TRPV4: variants seen among roughly 807,000 people sequenced by gnomAD.
TRPV4 encodes transient receptor potential cation channel subfamily V member 4, also known as OSM9-like transient receptor potential channel 4.
A neutral mutation model predicts 84.1 loss-of-function variants in TRPV4; 58 were observed. The observed-to-expected ratio is 0.69, with a 90% CI of 0.56 to 0.86. The LOEUF (loss-of-function observed/expected upper bound fraction) is 0.86, where lower values mean the gene tolerates loss of function less well. Ranked by LOEUF, TRPV4 falls within the 40% of genes least tolerant of loss-of-function variation. The pLI is 0.00. For synonymous variants in TRPV4, 489 were observed against 500.9 expected (o/e 0.98, Z 0.32); for missense variants, 879 against 1,181.1 (o/e 0.74, Z 3.75).
At chr12:109,785,579 C>T (rs931764354) in intron 14 of TRPV4, among the ~76,000 whole-genome samples, 1 of 151,854 alleles carries the variant, frequency 6.6e-6, no homozygotes, top group African/African-American at 2.4e-5. Flanking sequence ...CCACCACTCC[C>T]GACTAATTTT....
intron 2 of TRPV4, among the ~76,000 whole-genome samples, chr12:109,810,177 G>C (rs753623228): frequency 3.3e-5 from 5 of 152,210 alleles, no homozygotes; most frequent in Non-Finnish European, 5.9e-5. Context: ...GGTTCTGAGA[G>C]AGAAAGAGCT....
intron 13 of TRPV4, 108 bp downstream of exon 13, chr12:109,788,292 G>A: frequency 9.3e-7 from 1 of 1,076,332 alleles, no homozygotes. Context: ...GGGAGAATGA[G>A]AAGACACTGC....
Position 109,793,778 on chromosome 12 carries a change from A to T in TRPV4, c.1584+152T>A. ...GCAGAGATGGAGAACGTGGGATTGGAGGAGGTAGAAGAGAAATGGGAAAAT... is the reference window on the plus strand; with the variant it reads ...GCAGAGATGGAGAACGTGGGATTGGTGGAGGTAGAAGAGAAATGGGAAAAT... On this transcript the variant is annotated intron_variant, in intron 9 of 15. Transcript: ENST00000261740. The surrounding 1 kb of genome is among the most constrained non-coding windows in gnomAD (Gnocchi z 4.0). 1.2e-6 allele frequency: 1 copy of T among 812,274 alleles called. No homozygotes were observed. The highest frequency in any genetic ancestry group is 2.1e-6 in the Non-Finnish European group (1 of 478,046). The allele number at this position is 812,274 out of a possible 1,614,324, so 50.3% of individuals were successfully genotyped here. A position where few individuals can be genotyped will look rare whatever the true frequency, so the allele number is the denominator to read the frequency against.
At chr12:109,813,024 G>GATA (rs148825193) in intron 2 of TRPV4, among the ~76,000 whole-genome samples, 8,951 of 152,096 alleles carry the variant, frequency 0.059, 414 homozygotes, top group African/African-American at 0.13. Flanking sequence ...TAAATAAGAA[G>GATA]ATAAACAAAT....
chr12:109,795,570 G>A (rs1291807102), intron 7 of TRPV4, among the ~76,000 whole-genome samples: 1 of 152,122 alleles, frequency 6.6e-6, no homozygotes, highest in African/African-American at 2.4e-5. Context: ...TGCTCTTATA[G>A]TGTTATTCCT....
intron 3 of TRPV4, among the ~76,000 whole-genome samples, chr12:109,805,334 C>A (rs1240640420): frequency 6.6e-6 from 1 of 152,180 alleles, no homozygotes; most frequent in Non-Finnish European, 1.5e-5. Context: ...GAACTAGAGA[C>A]CCTGGATTCG....
At chr12:109,806,900 A>C (rs1891178489) in intron 3 of TRPV4, among the ~76,000 whole-genome samples, 1 of 151,558 alleles carries the variant, frequency 6.6e-6, no homozygotes, top group Non-Finnish European at 1.5e-5. Flanking sequence ...CAGGTTGATA[A>C]AGGTATATGT....
chr12:109,801,168 C>T (rs1280711913), intron 4 of TRPV4, among the ~76,000 whole-genome samples: 2 of 152,188 alleles, frequency 1.3e-5, no homozygotes, highest in Non-Finnish European at 2.9e-5. Context: ...TAAAAATTAG[C>T]TGGGCCTGGT....
chr12:109,829,185 TA>T (rs374687292), intron 1 of TRPV4, among the ~76,000 whole-genome samples: 4,540 of 145,764 alleles, frequency 0.031, 100 homozygotes, highest in Non-Finnish European at 0.045. Flanking sequence ...AAATAATAAA[TA>T]AAAAAAAAAG....
In TRPV4 at chr12:109,798,686, G is replaced by C; in HGVS notation, c.1080C>G (p.Ser360Arg). 7.4e-6 allele frequency: 12 copies of C among 1,613,902 alleles called. No homozygotes were observed. Among genetic ancestry groups the C allele is most frequent in the Non-Finnish European group, 1.0e-5 (12 of 1,180,046 alleles). ...LLKCARLFPD[S>R]NLEAVLNNDG... is the part of the protein sequence containing the mutation. ...CGTTGTTGAGCACGGCCTCCAGGTT[G>C]CTGTCGGGGAAGAGGCGGGCACACT... The change falls in exon 6 of 16, where the codon AGC becomes AGG. Residue 360 changes from serine to arginine, a missense_variant. Coordinates refer to ENST00000261740, the MANE Select transcript of TRPV4 (RefSeq NM_021625.5). This position sits in a 1 kb window ranked among gnomAD's most constrained non-coding sequence, Gnocchi z 5.0.
intron 1 of TRPV4, among the ~76,000 whole-genome samples, chr12:109,829,810 G>A (rs1342650965): frequency 6.6e-6 from 1 of 152,214 alleles, no homozygotes; most frequent in Non-Finnish European, 1.5e-5. Context: ...TTTAAGCCCA[G>A]GCCTGTCTGC....
At position 109,814,751 on chromosome 12, in the gene TRPV4, C is replaced by T; in HGVS notation, c.46G>A (p.Ala16Thr). Residue 16 changes from alanine (A) to threonine (T), a missense_variant, in exon 2 of 16, where the codon GCT becomes ACT. This residue lies in a region of TRPV4 where 107 missense variants were observed against 99.4 expected (regional missense o/e 1.08). Coordinates refer to ENST00000261740, the MANE Select transcript of TRPV4 (RefSeq NM_021625.5). This position sits in a 1 kb window ranked among gnomAD's most constrained non-coding sequence, Gnocchi z 5.4. ...CCACTCTCATCCCCGGGGAGCTCAG[C>T]CACCTCCCCGGGCCCCGCGCGGGGG... Reference protein sequence around the residue: ...EGPRAGPGEVAELPGDESGTP... With the variant: ...EGPRAGPGEVTELPGDESGTP... The T allele has an allele frequency of 6.3e-7, 1 of 1,576,564 alleles. No individual in the cohort carries two copies.
At chr12:109,822,341 C>A (rs1388755481) in intron 1 of TRPV4, among the ~76,000 whole-genome samples, 1 of 152,184 alleles carries the variant, frequency 6.6e-6, no homozygotes, top group Admixed American at 6.5e-5. Flanking sequence ...GGGGCCCCCA[C>A]TTCCTGTGGT....
Position 109,786,636 on chromosome 12 carries a change from C to A in TRPV4, c.2336+74G>T, listed in dbSNP as rs915300677. The A allele has an allele frequency of 1.7e-5, 27 of 1,595,904 alleles. No individual in the cohort carries two copies. In the African/African-American group the frequency reaches 3.5e-4, roughly 21 times the overall value. On this transcript the variant is annotated intron_variant, in intron 14 of 15. Coordinates refer to ENST00000261740, the MANE Select transcript of TRPV4 (RefSeq NM_021625.5). The surrounding 1 kb of genome is among the most constrained non-coding windows in gnomAD (Gnocchi z 4.5). ...CAGAAATTGCAATGGGTAGACGACGCTGGAGCAGCAGGGGCCCCGAGCCAG... is the reference window on the plus strand; with the variant it reads ...CAGAAATTGCAATGGGTAGACGACGATGGAGCAGCAGGGGCCCCGAGCCAG...
At chr12:109,826,400 A>C (rs1483066021) in intron 1 of TRPV4, among the ~76,000 whole-genome samples, 1 of 152,246 alleles carries the variant, frequency 6.6e-6, no homozygotes, top group Non-Finnish European at 1.5e-5. Flanking sequence ...GTATAAAGTC[A>C]GTCCCGGGGG....
chr12:109,795,656 C>T (rs1419523647), intron 7 of TRPV4, among the ~76,000 whole-genome samples: 2 of 152,118 alleles, frequency 1.3e-5, no homozygotes, highest in Non-Finnish European at 2.9e-5. Context: ...TTACATGCAG[C>T]GACAATATTA....
At chr12:109,818,153 C>T (rs894260140) in intron 1 of TRPV4, among the ~76,000 whole-genome samples, 2 of 151,996 alleles carry the variant, frequency 1.3e-5, no homozygotes, top group African/African-American at 4.8e-5. Flanking sequence ...CTGGGGATGT[C>T]CTGGGTGCCA....
In TRPV4 at chr12:109,788,550, C is replaced by CA. The variant is rs1361020746; in HGVS notation, c.2057dup (p.Ser687GlufsTer59). The CA allele has an allele frequency of 1.2e-6, 2 of 1,614,110 alleles. No individual in the cohort carries two copies. Among genetic ancestry groups the CA allele is most frequent in the African/African-American group, 2.7e-5 (2 of 74,940 alleles). On this transcript the variant is annotated frameshift_variant, in exon 13 of 16. Coordinates refer to ENST00000261740, the MANE Select transcript of TRPV4 (RefSeq NM_021625.5). LOFTEE classifies it high-confidence loss of function. ...AGACCACGGGGTACTTGGTGCTGCT[C>CA]AGCATCTCCAGGTCGCCCATGCCGA... is the stretch of plus-strand genomic sequence containing the variant.
At chr12:109,827,903 TACAC>T (rs937931504) in intron 1 of TRPV4, among the ~76,000 whole-genome samples, 23 of 151,488 alleles carry the variant, frequency 1.5e-4, no homozygotes, top group African/African-American at 5.3e-4. Context: ...CATACGCACA[TACAC>T]ACGCACATCA....
Sources: gnomAD v4.1 joint callset for allele counts (sites outside exome capture counted in the v4.1 genomes callset) on GRCh38, gnomAD v4.1.1 for gene constraint, gnomAD v4.1.1 regional missense constraint, Gnocchi (gnomAD v3.1) non-coding constraint, MANE v1.5 for transcripts, NCBI Gene and HGNC (gene_info 2026-07-23, HGNC 2026-07-21) for gene names.